The following IQSEC1 variants were observed in gnomAD, a reference collection of about 807,000 sequenced individuals.
IQSEC1 encodes IQ motif and Sec7 domain ArfGEF 1.
In IQSEC1, 31 loss-of-function variants were observed where a neutral mutation model predicts 91.0. That is an observed-to-expected ratio of 0.34 (90% confidence interval 0.26 to 0.46). IQSEC1 has a LOEUF of 0.46. IQSEC1 is among the 20% of genes least tolerant of loss of function. The pLI, the probability that IQSEC1 is intolerant of heterozygous loss-of-function variation, is 1.00. For missense variants in IQSEC1, 1,388 were observed against 1,575.6 expected (o/e 0.88, Z 2.02); for synonymous variants, 699 against 662.6 (o/e 1.05, Z -0.84).
chr3:13,154,624 C>T (rs1707058481), intron 2 of IQSEC1, among the ~76,000 whole-genome samples: 1 of 150,270 alleles, frequency 6.7e-6, no homozygotes, highest in Non-Finnish European at 1.5e-5. Context: ...ACTTGAGCAA[C>T]TCAAGACATC....
chr3:13,043,222 G>T (rs546193022), intron 1 of IQSEC1, among the ~76,000 whole-genome samples: 89 of 152,322 alleles, frequency 5.8e-4, no homozygotes, highest in African/African-American at 2.0e-3. Flanking sequence ...AGGGACCCCA[G>T]GCAGAATGGG....
intron 1 of IQSEC1, among the ~76,000 whole-genome samples, chr3:13,257,759 T>G (rs768552529): frequency 6.6e-6 from 1 of 152,228 alleles, no homozygotes; most frequent in Non-Finnish European, 1.5e-5. Flanking sequence ...GAAGACAGTT[T>G]GGCAGCTTCT....
chr3:13,204,654 C>A (rs1324722944), intron 1 of IQSEC1, among the ~76,000 whole-genome samples: 1 of 152,176 alleles, frequency 6.6e-6, no homozygotes, highest in African/African-American at 2.4e-5. Context: ...GTTAAGGGCA[C>A]GCAGTAGGCG....
chr3:12,945,422 A>G (rs1387253637), intron 1 of IQSEC1, among the ~76,000 whole-genome samples: 1 of 151,662 alleles, frequency 6.6e-6, no homozygotes, highest in Non-Finnish European at 1.5e-5. Flanking sequence ...GGGGGTCATC[A>G]GTTTAATCCC....
chr3:13,148,213 C>T (rs887417701), intron 2 of IQSEC1, among the ~76,000 whole-genome samples: 1 of 152,194 alleles, frequency 6.6e-6, no homozygotes, highest in African/African-American at 2.4e-5. Flanking sequence ...GTGCTGATAA[C>T]AGGACCCTCC....
At chr3:13,180,313 T>G (rs1313306325) in intron 1 of IQSEC1, among the ~76,000 whole-genome samples, 1 of 152,218 alleles carries the variant, frequency 6.6e-6, no homozygotes, top group African/African-American at 2.4e-5. Flanking sequence ...GGTTTGTGAA[T>G]GCACCAATGG....
chr3:12,937,089 C>T (rs1336625224), intron 2 of IQSEC1, among the ~76,000 whole-genome samples: 4 of 152,104 alleles, frequency 2.6e-5, no homozygotes, highest in African/African-American at 4.8e-5. Context: ...CCCACCACCA[C>T]GCCCAGCTAA....
Position 12,900,741 on chromosome 3 carries a change from CCCACCCATCCCTCAGACTGAGGT to C in IQSEC1, c.*219_*241del. 1.4e-6 allele frequency: 2 copies of C among 1,417,528 alleles called. No homozygotes were observed. The highest frequency in any genetic ancestry group is 2.6e-5 in the East Asian group (1 of 38,580). 87.8% of individuals were successfully genotyped at this position (1,417,528 alleles called of 1,614,324 possible). A position where few individuals can be genotyped will look rare whatever the true frequency, so the allele number is the denominator to read the frequency against. Reference sequence around the variant, plus strand: ...GTTTCAAGGCTGATGGTGTCTGAGGCCCACCCATCCCTCAGACTGAGGTGAGCAGAGCCCAGGGTGCCAACAAG... The same window carrying C: ...GTTTCAAGGCTGATGGTGTCTGAGGCGAGCAGAGCCCAGGGTGCCAACAAG... On this transcript the variant is annotated 3_prime_UTR_variant, in exon 14 of 14. Coordinates refer to ENST00000613206, the MANE Select transcript of IQSEC1 (RefSeq NM_001134382.3).
At chr3:13,098,972 G>A (rs165569) in intron 2 of IQSEC1, among the ~76,000 whole-genome samples, 16,232 of 152,236 alleles carry the variant, frequency 0.11, 1,046 homozygotes, top group African/African-American at 0.18. Flanking sequence ...AGCTGTTACA[G>A]AATAACTTTG....
Position 12,924,469 on chromosome 3 carries a change from A to G in IQSEC1, c.1730+112T>C. ...AGGAAGAGAGAAAGGGGGGCCCACCACATGTCCCAGCAAGTAGGGTGGGCC... is the reference window on the plus strand; with the variant it reads ...AGGAAGAGAGAAAGGGGGGCCCACCGCATGTCCCAGCAAGTAGGGTGGGCC... On this transcript the variant is annotated intron_variant, in intron 4 of 13. Transcript: ENST00000613206. The surrounding 1 kb of genome is among the most constrained non-coding windows in gnomAD (Gnocchi z 6.3). 1 of 1,112,178 alleles carries G rather than the reference A, an allele frequency of 9.0e-7. No individual in the cohort carries two copies. The highest frequency in any genetic ancestry group is 1.3e-6 in the Non-Finnish European group (1 of 795,046). The allele number at this position is 1,112,178 out of a possible 1,614,324, so 68.9% of individuals were successfully genotyped here.
intron 1 of IQSEC1, among the ~76,000 whole-genome samples, chr3:12,975,803 G>A (rs1245632061): frequency 2.6e-5 from 4 of 152,238 alleles, no homozygotes; most frequent in Non-Finnish European, 4.4e-5. Context: ...GCTAGTGAGG[G>A]ATGAGAACCC....
chr3:13,145,564 C>T (rs1049853938), intron 2 of IQSEC1, among the ~76,000 whole-genome samples: 2 of 152,176 alleles, frequency 1.3e-5, no homozygotes, highest in African/African-American at 4.8e-5. Flanking sequence ...CAGCCAGTCT[C>T]AAGCAGGAGG....
At chr3:13,217,712 C>T (rs1004654689) in intron 1 of IQSEC1, among the ~76,000 whole-genome samples, 2 of 152,170 alleles carry the variant, frequency 1.3e-5, no homozygotes, top group South Asian at 4.1e-4. Context: ...CACTCCTTTA[C>T]TTAAATGTAT....
chr3:13,191,675 G>A (rs1439971244), intron 1 of IQSEC1, among the ~76,000 whole-genome samples: 1 of 152,068 alleles, frequency 6.6e-6, no homozygotes, highest in Non-Finnish European at 1.5e-5. Context: ...TTATTTCTTA[G>A]ATAAGAAAGA....
At chr3:13,105,791 T>G (rs1014516409) in intron 2 of IQSEC1, among the ~76,000 whole-genome samples, 5 of 152,176 alleles carry the variant, frequency 3.3e-5, no homozygotes, top group Non-Finnish European at 7.4e-5. Flanking sequence ...GTGCAGCATC[T>G]GAGTCACACC....
intron 1 of IQSEC1, among the ~76,000 whole-genome samples, chr3:13,001,548 G>T (rs1008605164): frequency 6.6e-6 from 1 of 152,206 alleles, no homozygotes; most frequent in Non-Finnish European, 1.5e-5. Flanking sequence ...AGGCAGCCAC[G>T]AACATCAGGG....
At position 13,061,716 on chromosome 3, in the gene IQSEC1, C is replaced by T. The variant is rs146516110; in HGVS notation, c.23+11276G>A. On this transcript the variant is annotated intron_variant, in intron 1 of 13. Coordinates refer to ENST00000613206, the MANE Select transcript of IQSEC1 (RefSeq NM_001134382.3). The stretch of plus-strand genomic sequence containing the variant: ...TGCACACTACTGAGGCTGCCAGCTC[C>T]GTCCAGACTTGCCCCAAACTGCCAG... Among the ~76,000 whole-genome samples the T allele has an allele frequency of 3.6e-3, 544 of 152,320 alleles. 6 individuals carry two copies. Among genetic ancestry groups the T allele is most frequent in the African/African-American group, 0.012 (497 of 41,562 alleles).
At chr3:13,118,009 T>C (rs1456144098) in intron 2 of IQSEC1, among the ~76,000 whole-genome samples, 1 of 152,180 alleles carries the variant, frequency 6.6e-6, no homozygotes, top group Admixed American at 6.5e-5. Flanking sequence ...TGTAAAATGC[T>C]GCAGCCACTG....
In IQSEC1 at chr3:13,193,713, C is replaced by T. The variant is rs905222560; in HGVS notation, c.273-29580G>A. Among the ~76,000 whole-genome samples, 4 of 152,140 alleles carry T rather than the reference C, an allele frequency of 2.6e-5. No individual in the cohort carries two copies. The highest frequency in any genetic ancestry group is 9.7e-5 in the African/African-American group (4 of 41,426). On this transcript the variant is annotated intron_variant, in intron 1 of 15. Coordinates refer to the IQSEC1 transcript ENST00000648114. The surrounding 1 kb of genome is among the most constrained non-coding windows in gnomAD (Gnocchi z 4.2). ...AAGGCTGATGTCAGAGCTTAAGCCT[C>T]CCTCCTCCAACGGGCTCTCCCTGGA...
Sources: gnomAD v4.1 joint callset for allele counts (sites outside exome capture counted in the v4.1 genomes callset) on GRCh38, gnomAD v4.1.1 for gene constraint, Gnocchi (gnomAD v3.1) non-coding constraint, MANE v1.5 for transcripts, NCBI Gene and HGNC (gene_info 2026-07-23, HGNC 2026-07-21) for gene names.